The following DYNC1I1 variants were observed in gnomAD, a reference collection of about 807,000 sequenced individuals.
The protein encoded by DYNC1I1 is dynein cytoplasmic 1 intermediate chain 1.
DYNC1I1 carries 43 observed loss-of-function variants against 86.6 expected under a neutral mutation model. That is an observed-to-expected ratio of 0.50 (90% CI 0.39 to 0.64). DYNC1I1 has a LOEUF of 0.64. DYNC1I1 is among the 30% of genes least tolerant of loss of function. The pLI is 0.00. For missense variants in DYNC1I1, 604 were observed against 788.8 expected, an observed-to-expected ratio of 0.77 and a Z score of 2.81; for synonymous variants, 262 against 283.7, an observed-to-expected ratio of 0.92 and a Z score of 0.77.
At chr7:95,927,458 C>A (rs1791775481) in intron 6 of DYNC1I1, among the ~76,000 whole-genome samples, 1 of 151,870 alleles carries the variant, frequency 6.6e-6, no homozygotes, top group Admixed American at 6.6e-5. Flanking sequence ...GGACTTAAGG[C>A]CATTATTGGA....
intron 5 of DYNC1I1, among the ~76,000 whole-genome samples, chr7:95,851,115 T>C (rs1462449586): frequency 6.6e-6 from 1 of 151,768 alleles, no homozygotes; most frequent in African/African-American, 2.4e-5. Context: ...TTTGATTTTT[T>C]GAACAGAAGA....
intron 1 of DYNC1I1, among the ~76,000 whole-genome samples, chr7:95,777,753 C>T (rs1793881446): frequency 6.6e-6 from 1 of 152,152 alleles, no homozygotes; most frequent in Non-Finnish European, 1.5e-5. Context: ...ATCTCAAGCA[C>T]TATAGAGGAC....
At chr7:96,083,615 G>C (rs569243585) in intron 16 of DYNC1I1, among the ~76,000 whole-genome samples, 35 of 152,266 alleles carry the variant, frequency 2.3e-4, no homozygotes, top group African/African-American at 8.2e-4. Flanking sequence ...ACTGCGGAAG[G>C]CCAGATGGAA....
downstream of DYNC1I1, among the ~76,000 whole-genome samples, chr7:96,100,682 G>GTGTGTGTGTGTGT (rs1554447113): frequency 1.1e-4 from 17 of 150,770 alleles, no homozygotes; most frequent in South Asian, 6.3e-4. Flanking sequence ...GTGTGTGTGT[G>GTGTGTGTGTGTGT]GTAAGGAAGA....
At chr7:96,069,554 T>C (rs1371977153) in intron 14 of DYNC1I1, among the ~76,000 whole-genome samples, 1 of 152,212 alleles carries the variant, frequency 6.6e-6, no homozygotes, top group Non-Finnish European at 1.5e-5. Context: ...CTATATAGAT[T>C]TGTGCTATTA....
chr7:95,907,679 C>T (rs1791211038), intron 6 of DYNC1I1, among the ~76,000 whole-genome samples: 1 of 152,078 alleles, frequency 6.6e-6, no homozygotes, highest in Non-Finnish European at 1.5e-5. Context: ...CGTCCTCATT[C>T]TCTGCCTTTT....
chr7:95,795,237 A>G (rs559920412), intron 1 of DYNC1I1, among the ~76,000 whole-genome samples: 1 of 152,332 alleles, frequency 6.6e-6, no homozygotes, highest in African/African-American at 2.4e-5. Flanking sequence ...TTGAATAAGT[A>G]AACACTGGAA....
intron 8 of DYNC1I1, among the ~76,000 whole-genome samples, chr7:95,986,665 G>C (rs534372228): frequency 2.0e-5 from 3 of 151,912 alleles, no homozygotes; most frequent in African/African-American, 7.3e-5. Context: ...AGGTAGTATC[G>C]ATATCAAAGA....
At chr7:95,784,892 G>A (rs1391347651) in intron 1 of DYNC1I1, among the ~76,000 whole-genome samples, 2 of 152,178 alleles carry the variant, frequency 1.3e-5, no homozygotes, top group Non-Finnish European at 2.9e-5. Context: ...ACAGAACTTT[G>A]TATTATTCTT....
At chr7:95,878,396 G>A (rs6971317) in intron 6 of DYNC1I1, among the ~76,000 whole-genome samples, 143,040 of 152,214 alleles carry the variant, frequency 0.94, 67,605 homozygotes, top group Non-Finnish European at 0.99. Flanking sequence ...GGAAAAAAAA[G>A]GAATCAAATG....
chr7:95,774,161 C>A (rs1793781263), intron 1 of DYNC1I1, among the ~76,000 whole-genome samples: 1 of 152,322 alleles, frequency 6.6e-6, no homozygotes, highest in African/African-American at 2.4e-5. Context: ...AAGACCCATT[C>A]CTCTTAAAAC....
chr7:96,000,792 T>C (rs1164124386), intron 10 of DYNC1I1, among the ~76,000 whole-genome samples: 1 of 152,118 alleles, frequency 6.6e-6, no homozygotes, highest in Non-Finnish European at 1.5e-5. Flanking sequence ...GGGACACATC[T>C]GGGGAAGTTA....
intron 14 of DYNC1I1, among the ~76,000 whole-genome samples, chr7:96,042,991 C>G (rs1392344181): frequency 6.6e-6 from 1 of 151,880 alleles, no homozygotes; most frequent in Non-Finnish European, 1.5e-5. Context: ...GAATGCTTAT[C>G]TTTACTAAAA....
intron 4 of DYNC1I1, among the ~76,000 whole-genome samples, chr7:95,821,944 C>T (rs1795085387): frequency 6.6e-6 from 1 of 152,056 alleles, no homozygotes; most frequent in Non-Finnish European, 1.5e-5. Context: ...TTTCTTATAG[C>T]CAAAGACTAG....
At chr7:95,896,162 G>A (rs1447063767) in intron 6 of DYNC1I1, among the ~76,000 whole-genome samples, 2 of 152,080 alleles carry the variant, frequency 1.3e-5, no homozygotes, top group Non-Finnish European at 2.9e-5. Context: ...AGTATATAGC[G>A]GCTTCAGGTG....
intron 14 of DYNC1I1, among the ~76,000 whole-genome samples, chr7:96,041,135 G>T (rs950249772): frequency 2.0e-5 from 3 of 152,154 alleles, no homozygotes; most frequent in Non-Finnish European, 4.4e-5. Context: ...CCAGGAAATA[G>T]AAGACAAATT....
intron 6 of DYNC1I1, among the ~76,000 whole-genome samples, chr7:95,958,458 A>G (rs1207254150): frequency 6.6e-6 from 1 of 152,104 alleles, no homozygotes; most frequent in Non-Finnish European, 1.5e-5. Flanking sequence ...TGGCCCGGAA[A>G]GCTAAAGAAG....
intron 10 of DYNC1I1, among the ~76,000 whole-genome samples, chr7:96,009,609 G>A (rs2115838999): frequency 6.6e-6 from 1 of 152,268 alleles, no homozygotes; most frequent in Non-Finnish European, 1.5e-5. Context: ...AGTCTTTTCT[G>A]TTGTTCCAGT....
intron 2 of DYNC1I1, among the ~76,000 whole-genome samples, chr7:95,809,127 G>C (rs1211561083): frequency 6.6e-6 from 1 of 152,066 alleles, no homozygotes; most frequent in Non-Finnish European, 1.5e-5. Context: ...TCCCTCTAAT[G>C]ACAGATAGAC....
Sources: allele counts gnomAD v4.1 joint callset (sites outside exome capture counted in the v4.1 genomes callset), GRCh38; gene constraint gnomAD v4.1.1; transcripts MANE v1.5; gene names NCBI Gene and HGNC (gene_info 2026-07-23, HGNC 2026-07-21).